TAF3: variants seen among roughly 807,000 people sequenced by gnomAD.
TAF3 encodes the protein TATA-box binding protein associated factor 3.
A neutral mutation model predicts 80.6 loss-of-function variants in TAF3; 7 were observed. The ratio of observed to expected loss-of-function variants is 0.09; its 90% CI spans 0.05 to 0.16. The LOEUF (loss-of-function observed/expected upper bound fraction) is 0.16, where lower values mean the gene tolerates loss of function less well. Among genes scored for constraint, TAF3 ranks in the 10% least tolerant of loss-of-function variants. The pLI is 1.00. For synonymous variants in TAF3, 444 were observed against 446.1 expected (o/e 1.00, Z 0.06); for missense variants, 921 against 1,140.2 (o/e 0.81, Z 2.77).
At chr10:7,934,538 A>C (rs1304257629) in intron 2 of TAF3, among the ~76,000 whole-genome samples, 1 of 152,054 alleles carries the variant, frequency 6.6e-6, no homozygotes, top group East Asian at 1.9e-4. Context: ...TTTGCTTTCC[A>C]AGTTCAAGCG....
intron 1 of TAF3, among the ~76,000 whole-genome samples, chr10:7,823,026 T>G (rs1266096782): frequency 6.6e-6 from 1 of 152,208 alleles, no homozygotes; most frequent in African/African-American, 2.4e-5. Flanking sequence ...GGTAGGAGGA[T>G]GGCTTGAGCC....
chr10:7,830,805 G>A (rs1443982716), intron 2 of TAF3, among the ~76,000 whole-genome samples: 1 of 152,032 alleles, frequency 6.6e-6, no homozygotes, highest in Non-Finnish European at 1.5e-5. Context: ...CTTTTAGTTT[G>A]TGACTCTCCT....
At chr10:7,930,077 G>C (rs536528216) in intron 2 of TAF3, among the ~76,000 whole-genome samples, 1 of 152,170 alleles carries the variant, frequency 6.6e-6, no homozygotes, top group South Asian at 2.1e-4. Flanking sequence ...ACACACCTGT[G>C]GTCTCAGCTA....
At chr10:7,834,486 T>A (rs1836831882) in intron 2 of TAF3, among the ~76,000 whole-genome samples, 1 of 152,156 alleles carries the variant, frequency 6.6e-6, no homozygotes, top group African/African-American at 2.4e-5. Context: ...TAAGGGATAC[T>A]TATTATATAT....
At chr10:7,846,741 G>A (rs537735321) in intron 2 of TAF3, among the ~76,000 whole-genome samples, 47 of 152,222 alleles carry the variant, frequency 3.1e-4, no homozygotes, top group African/African-American at 1.1e-3. Flanking sequence ...CATATTTCCT[G>A]CATCTTGAAA....
chr10:7,932,703 G>C (rs1327142177), intron 2 of TAF3, among the ~76,000 whole-genome samples: 3 of 139,298 alleles, frequency 2.2e-5, no homozygotes, highest in Non-Finnish European at 3.0e-5. Flanking sequence ...TTGGAGAGAG[G>C]GTCTTGCTCT....
At chr10:7,942,375 C>T (rs1448319025) in intron 2 of TAF3, among the ~76,000 whole-genome samples, 1 of 152,180 alleles carries the variant, frequency 6.6e-6, no homozygotes, top group Non-Finnish European at 1.5e-5. Flanking sequence ...TAGAACTTAT[C>T]TCTGGTAGTT....
At chr10:7,994,450 GAAAA>G (rs1413750872) in intron 4 of TAF3, among the ~76,000 whole-genome samples, 1 of 151,450 alleles carries the variant, frequency 6.6e-6, no homozygotes, top group Admixed American at 6.6e-5. Context: ...GAAAAGAAAA[GAAAA>G]AAAACTATGA....
chr10:7,967,649 CTT>C (rs1192629483), intron 3 of TAF3, among the ~76,000 whole-genome samples: 1 of 152,128 alleles, frequency 6.6e-6, no homozygotes, highest in Admixed American at 6.5e-5. Flanking sequence ...CAGATCCTGA[CTT>C]TTGTAAAATG....
chr10:7,962,439 C>T lies in TAF3; in HGVS notation c.410-1481C>T, dbSNP rs556705796. 4.6e-5 allele frequency among the ~76,000 whole-genome samples: 7 copies of T among 152,298 alleles called. No individual in the cohort carries two copies. The East Asian group carries it at 1.3e-3, about 29-fold the overall frequency. On this transcript the variant is annotated intron_variant, in intron 2 of 6. Transcript: ENST00000344293. ...CACGTTTTTCTCTGTTGTCTAAAAT[C>T]CTTCTAGGTCCAAACTACCAGTAGA...
intron 2 of TAF3, among the ~76,000 whole-genome samples, chr10:7,883,712 C>A (rs539832079): frequency 3.3e-5 from 5 of 152,312 alleles, no homozygotes; most frequent in Non-Finnish European, 7.4e-5. Context: ...TTTTCCCCTC[C>A]TTCCCACTTA....
chr10:7,832,808 C>T (rs1836814555), intron 2 of TAF3, among the ~76,000 whole-genome samples: 1 of 152,160 alleles, frequency 6.6e-6, no homozygotes, highest in South Asian at 2.1e-4. Context: ...CCTCAGCCTC[C>T]CAAAGTGCTG....
chr10:7,999,455 G>T (rs1475897256), intron 4 of TAF3, among the ~76,000 whole-genome samples: 1 of 145,948 alleles, frequency 6.9e-6, no homozygotes, highest in African/African-American at 2.6e-5. Context: ...AAGAAAGAAA[G>T]AAGTTTTTTT....
intron 3 of TAF3, among the ~76,000 whole-genome samples, chr10:7,966,991 G>C (rs1448699233): frequency 6.6e-6 from 1 of 152,136 alleles, no homozygotes; most frequent in East Asian, 1.9e-4. Flanking sequence ...TTTCTATATA[G>C]TAGTTGTCAG....
At chr10:7,888,531 G>T (rs1214849245) in intron 2 of TAF3, among the ~76,000 whole-genome samples, 2 of 152,130 alleles carry the variant, frequency 1.3e-5, no homozygotes, top group Non-Finnish European at 2.9e-5. Flanking sequence ...GAGGTCTGCA[G>T]TGTGGAGGGT....
chr10:7,974,171 CAA>C (rs1178396305), intron 3 of TAF3, among the ~76,000 whole-genome samples: 4 of 141,202 alleles, frequency 2.8e-5, no homozygotes, highest in African/African-American at 8.0e-5. Context: ...CACACACACA[CAA>C]ACACACACAC....
intron 4 of TAF3, among the ~76,000 whole-genome samples, chr10:7,982,201 T>C (rs1282575629): frequency 6.6e-6 from 1 of 152,074 alleles, no homozygotes; most frequent in Non-Finnish European, 1.5e-5. Context: ...TATTCATATA[T>C]AACTTTTTTC....
chr10:7,872,213 A>ATTTTTTTTTTTT lies in TAF3; in HGVS notation c.409+47662_409+47673dup, dbSNP rs34945620. ...GTAACATGGTAGAAGTGTTGGGTTGATTTTTTTTTTTTTTTTTTTTCTTTC... is the reference window on the plus strand; with the variant it reads ...GTAACATGGTAGAAGTGTTGGGTTGATTTTTTTTTTTTTTTTTTTTTTTTTTTTTTTTCTTTC... On this transcript the variant is annotated intron_variant, in intron 2 of 6. Transcript: ENST00000344293. Among the ~76,000 whole-genome samples, 1,148 of 121,574 alleles carry ATTTTTTTTTTTT rather than the reference A, an allele frequency of 9.4e-3. 7 individuals are homozygous for ATTTTTTTTTTTT. The highest frequency in any genetic ancestry group is 0.014 in the African/African-American group (455 of 32,366). 79.8% of individuals were successfully genotyped at this position (121,574 alleles called of 152,430 possible).
chr10:7,984,021 G>A (rs1831753487), intron 4 of TAF3, among the ~76,000 whole-genome samples: 1 of 152,088 alleles, frequency 6.6e-6, no homozygotes, highest in African/African-American at 2.4e-5. Flanking sequence ...AACATTACCA[G>A]TGAAATTCCT....
Sources: allele counts gnomAD v4.1 joint callset (sites outside exome capture counted in the v4.1 genomes callset), GRCh38; gene constraint gnomAD v4.1.1; transcripts MANE v1.5; gene names NCBI Gene and HGNC (gene_info 2026-07-23, HGNC 2026-07-21).